PCDH15: variants seen among roughly 807,000 people sequenced by gnomAD.
PCDH15 encodes protocadherin-15.
Under a neutral mutation model 178.5 loss-of-function variants are expected in PCDH15, and 129 were observed. The ratio of observed to expected loss-of-function variants is 0.72; its 90% CI spans 0.63 to 0.84. The LOEUF (loss-of-function observed/expected upper bound fraction) is 0.84. PCDH15 is among the 40% of genes least tolerant of loss of function. PCDH15 has a pLI of 0.00. For missense variants in PCDH15, 2,230 were observed against 2,099.9 expected, an observed-to-expected ratio of 1.06 and a Z score of -1.21; for synonymous variants, 800 against 732.0, an observed-to-expected ratio of 1.09 and a Z score of -1.50.
intron 1 of PCDH15, among the ~76,000 whole-genome samples, chr10:55,309,146 C>A (rs980409752): frequency 2.0e-5 from 3 of 152,268 alleles, no homozygotes; most frequent in Non-Finnish European, 4.4e-5. Context: ...AATGGCTGCT[C>A]TTTTAGCTAT....
chr10:53,926,430 C>T (rs1031827679), intron 25 of PCDH15, among the ~76,000 whole-genome samples: 2 of 152,142 alleles, frequency 1.3e-5, no homozygotes, highest in South Asian at 4.1e-4. Context: ...AAAGAGATCA[C>T]AAAAATATGT....
intron 2 of PCDH15, among the ~76,000 whole-genome samples, chr10:55,416,173 C>T (rs894637960): frequency 5.9e-5 from 9 of 151,572 alleles, no homozygotes; most frequent in African/African-American, 2.2e-4. Context: ...ATTATAAATA[C>T]TAAAATTAAT....
chr10:54,984,695 G>T (rs1249011989), intron 2 of PCDH15, among the ~76,000 whole-genome samples: 1 of 152,046 alleles, frequency 6.6e-6, no homozygotes, highest in Non-Finnish European at 1.5e-5. Flanking sequence ...TTAAAAATTA[G>T]CTGGGCATGG....
At chr10:55,046,052 G>T (rs950978919) in intron 2 of PCDH15, among the ~76,000 whole-genome samples, 10 of 152,006 alleles carry the variant, frequency 6.6e-5, no homozygotes, top group African/African-American at 2.4e-4. Flanking sequence ...GACAAATTCT[G>T]CCAGCCTCTG....
chr10:54,167,864 T>C (rs1189521565), intron 13 of PCDH15, among the ~76,000 whole-genome samples: 1 of 105,854 alleles, frequency 9.4e-6, no homozygotes, highest in African/African-American at 3.7e-5. Context: ...CCCTTATTTC[T>C]GTGCCCCATC....
chr10:55,550,921 A>T (rs1386978225), intron 2 of PCDH15, among the ~76,000 whole-genome samples: 3 of 152,134 alleles, frequency 2.0e-5, no homozygotes, highest in Non-Finnish European at 4.4e-5. Flanking sequence ...ACTTCCTTCC[A>T]ATATTTGAGT....
intron 2 of PCDH15, among the ~76,000 whole-genome samples, chr10:54,619,518 G>A (rs1346529758): frequency 7.2e-5 from 11 of 151,906 alleles, no homozygotes; most frequent in East Asian, 3.9e-4. Flanking sequence ...CTTTTTGTGC[G>A]TAATCTTGTA....
At chr10:53,877,681 G>GT (rs1318330880) in intron 26 of PCDH15, among the ~76,000 whole-genome samples, 4 of 152,004 alleles carry the variant, frequency 2.6e-5, no homozygotes, top group Non-Finnish European at 4.4e-5. Context: ...TTCTCCTTCT[G>GT]TTTTTTCTTT....
At chr10:54,624,263 A>G (rs2093474367) in intron 2 of PCDH15, among the ~76,000 whole-genome samples, 1 of 152,208 alleles carries the variant, frequency 6.6e-6, no homozygotes, top group African/African-American at 2.4e-5. Context: ...TGCAGTTTAT[A>G]GTGCAGGAAC....
At chr10:55,361,978 T>C (rs1402506866) in intron 2 of PCDH15, among the ~76,000 whole-genome samples, 1 of 152,098 alleles carries the variant, frequency 6.6e-6, no homozygotes, top group Non-Finnish European at 1.5e-5. Flanking sequence ...AAATCTCCTT[T>C]CTTGGATGAG....
Position 54,243,333 on chromosome 10 carries a change from C to T in PCDH15, c.877-6402G>A, listed in dbSNP as rs541492711. On this transcript the variant is annotated intron_variant, in intron 8 of 37. Coordinates refer to ENST00000644397, the MANE Select transcript of PCDH15 (RefSeq NM_001384140.1). ...ATCATCCTGGCTAACACGGTGAAACCCCTTCTGTACTAAAAATACAAAAAT... is the reference window on the plus strand; with the variant it reads ...ATCATCCTGGCTAACACGGTGAAACTCCTTCTGTACTAAAAATACAAAAAT... 2.0e-5 allele frequency among the ~76,000 whole-genome samples: 3 copies of T among 152,164 alleles called. No homozygotes were observed. In the South Asian group the frequency reaches 6.2e-4, roughly 32 times the overall value.
chr10:55,141,861 A>T (rs71504003), intron 2 of PCDH15, among the ~76,000 whole-genome samples: 132,674 of 151,502 alleles, frequency 0.88, 59,408 homozygotes, highest in Non-Finnish European at 0.97. Flanking sequence ...AAGGTTTATT[A>T]TTTTTTTTTA....
chr10:55,404,480 C>T lies in PCDH15; in HGVS notation c.-156+223145G>A, dbSNP rs75111955. On this transcript the variant is annotated intron_variant, in intron 2 of 5. Coordinates refer to the PCDH15 transcript ENST00000613346. ...GAGTATAAGATATGTTATTACCAAA[C>T]GTTCTTTTTTTCTTACAGTTTTATA... is the stretch of plus-strand genomic sequence containing the variant. Among the ~76,000 whole-genome samples the T allele has an allele frequency of 8.0e-3, 1,220 of 151,954 alleles. 15 individuals are homozygous for T. The highest frequency in any genetic ancestry group is 0.026 in the African/African-American group (1,081 of 41,472).
At chr10:55,539,513 C>T (rs1186164814) in intron 2 of PCDH15, among the ~76,000 whole-genome samples, 1 of 151,898 alleles carries the variant, frequency 6.6e-6, no homozygotes, top group African/African-American at 2.4e-5. Flanking sequence ...AAGTAAAATG[C>T]TTTAATAGGA....
chr10:54,256,438 A>G (rs1371254481), intron 8 of PCDH15, among the ~76,000 whole-genome samples: 2 of 152,216 alleles, frequency 1.3e-5, no homozygotes. Flanking sequence ...GATTGGAAGT[A>G]GACTAACATT....
chr10:53,970,577 A>C (rs1181255819), intron 21 of PCDH15, among the ~76,000 whole-genome samples: 2 of 152,186 alleles, frequency 1.3e-5, no homozygotes, highest in Non-Finnish European at 2.9e-5. Flanking sequence ...GAAGAATCAA[A>C]TAGACACAAT....
intron 2 of PCDH15, among the ~76,000 whole-genome samples, chr10:54,636,704 T>A (rs1050097604): frequency 6.6e-6 from 1 of 151,920 alleles, no homozygotes; most frequent in Non-Finnish European, 1.5e-5. Context: ...AGCATAGCAT[T>A]CCCAGTCAGC....
At chr10:53,991,657 G>A (rs915891317) in intron 21 of PCDH15, among the ~76,000 whole-genome samples, 3 of 151,882 alleles carry the variant, frequency 2.0e-5, no homozygotes. Context: ...ACACCAGTCG[G>A]CACTCTGTGT....
chr10:53,959,761 C>A lies in PCDH15; in HGVS notation c.3093G>T (p.Glu1031Asp). 1 of 1,613,760 alleles carries A rather than the reference C, an allele frequency of 6.2e-7. No homozygotes were observed. Reference protein sequence around the residue: ...TVKILVLHPGEIPRFTQEEYR... With the variant: ...TVKILVLHPGDIPRFTQEEYR... ...ATTCCTCCTGTGTGAAGCGTGGGAT[C>A]TCACCAGGATGTAAGACAAGAATCT... Residue 1031 changes from glutamate (E) to aspartate (D), a missense_variant, in exon 23 of 38, where the codon GAG becomes GAT. Transcript: ENST00000644397.
Sources: gnomAD v4.1 joint callset for allele counts (sites outside exome capture counted in the v4.1 genomes callset) on GRCh38, gnomAD v4.1.1 for gene constraint, MANE v1.5 for transcripts, NCBI Gene and HGNC (gene_info 2026-07-23, HGNC 2026-07-21) for gene names.